DLG2: variants seen among roughly 807,000 people sequenced by gnomAD.
DLG2 encodes the protein disks large homolog 2.
Under a neutral mutation model 132.5 loss-of-function variants are expected in DLG2, and 45 were observed. The ratio of observed to expected loss-of-function variants is 0.34; its 90% CI spans 0.27 to 0.44. The LOEUF (loss-of-function observed/expected upper bound fraction) is 0.44, where lower values mean the gene tolerates loss of function less well. Among genes scored for constraint, DLG2 ranks in the 20% least tolerant of loss-of-function variants. The pLI is 1.00. For synonymous variants in DLG2, 424 were observed against 419.6 expected (o/e 1.01, Z -0.13); for missense variants, 1,045 against 1,196.9 (o/e 0.87, Z 1.87).
intron 6 of DLG2, among the ~76,000 whole-genome samples, chr11:85,031,593 C>T (rs2061005626): frequency 6.6e-6 from 1 of 152,080 alleles, no homozygotes; most frequent in South Asian, 2.1e-4. Flanking sequence ...TGTAGACCAT[C>T]TTTCCTTTTT....
At chr11:84,164,141 G>GT (rs1305649115) in intron 8 of DLG2, among the ~76,000 whole-genome samples, 5 of 152,134 alleles carry the variant, frequency 3.3e-5, no homozygotes, top group Non-Finnish European at 5.9e-5. Flanking sequence ...GTGACGAATT[G>GT]TTTCAACCAT....
chr11:84,831,363 C>T (rs2079036975), intron 6 of DLG2, among the ~76,000 whole-genome samples: 1 of 151,512 alleles, frequency 6.6e-6, no homozygotes, highest in African/African-American at 2.4e-5. Context: ...CAGTAAAAAA[C>T]AGAAATGTGT....
chr11:84,976,941 T>A (rs976515937), intron 6 of DLG2, among the ~76,000 whole-genome samples: 2 of 152,168 alleles, frequency 1.3e-5, no homozygotes, highest in African/African-American at 2.4e-5. Flanking sequence ...GGGTTTTCCA[T>A]CCAGTCTATA....
At chr11:85,355,839 C>T (rs1000520318) in intron 3 of DLG2, among the ~76,000 whole-genome samples, 1 of 152,098 alleles carries the variant, frequency 6.6e-6, no homozygotes. Flanking sequence ...ATCTCCAAGT[C>T]GAATCACCCT....
At chr11:83,851,910 C>T (rs1466928764) in intron 16 of DLG2, among the ~76,000 whole-genome samples, 2 of 148,974 alleles carry the variant, frequency 1.3e-5, no homozygotes, top group African/African-American at 2.5e-5. Flanking sequence ...CAGAGCGAGA[C>T]TCCGTCTCTT....
At chr11:85,335,381 T>C (rs1300483160) in intron 3 of DLG2, among the ~76,000 whole-genome samples, 2 of 152,202 alleles carry the variant, frequency 1.3e-5, no homozygotes, top group Admixed American at 6.5e-5. Context: ...TTTGCCACTC[T>C]TTGCCTTTTA....
intron 4 of DLG2, among the ~76,000 whole-genome samples, chr11:85,244,494 G>T (rs1461199655): frequency 5.3e-5 from 8 of 151,964 alleles, no homozygotes; most frequent in Admixed American, 5.3e-4. Context: ...ATGTGTCACT[G>T]CTTATAGCTG....
intron 10 of DLG2, among the ~76,000 whole-genome samples, chr11:84,093,709 G>A (rs1291356594): frequency 6.6e-6 from 1 of 152,060 alleles, no homozygotes; most frequent in Non-Finnish European, 1.5e-5. Flanking sequence ...CTGCCTCCCT[G>A]GTTCAAGCCA....
At chr11:85,041,036 T>C (rs1566715139) in intron 6 of DLG2, among the ~76,000 whole-genome samples, 1 of 151,882 alleles carries the variant, frequency 6.6e-6, no homozygotes, top group Non-Finnish European at 1.5e-5. Context: ...TTGGGGTCTT[T>C]AGGGAATAGG....
chr11:85,292,053 T>C (rs886155997), intron 3 of DLG2, among the ~76,000 whole-genome samples: 2 of 152,154 alleles, frequency 1.3e-5, no homozygotes, highest in African/African-American at 4.8e-5. Flanking sequence ...TACAAAATGA[T>C]ATTACAGTCT....
intron 6 of DLG2, among the ~76,000 whole-genome samples, chr11:84,855,892 C>T (rs902941879): frequency 5.3e-5 from 8 of 151,938 alleles, no homozygotes; most frequent in Non-Finnish European, 7.4e-5. Context: ...AGAAAAGAAA[C>T]GTGGAAATTT....
chr11:84,886,533 T>C (rs1459133399), intron 6 of DLG2, among the ~76,000 whole-genome samples: 5 of 152,132 alleles, frequency 3.3e-5, no homozygotes, highest in Admixed American at 2.0e-4. Context: ...CACTGTCAGG[T>C]TTGAGTGGAC....
intron 6 of DLG2, among the ~76,000 whole-genome samples, chr11:84,940,104 G>A (rs1486943600): frequency 6.6e-6 from 1 of 152,052 alleles, no homozygotes; most frequent in Non-Finnish European, 1.5e-5. Context: ...CCTAGTTTTT[G>A]GATAAAAGCC....
intron 18 of DLG2, among the ~76,000 whole-genome samples, chr11:83,750,482 T>A (rs891910306): frequency 1.3e-5 from 2 of 152,200 alleles, no homozygotes; most frequent in Non-Finnish European, 2.9e-5. Flanking sequence ...TTCAGTTACC[T>A]TTAGACTCTA....
intron 21 of DLG2, among the ~76,000 whole-genome samples, chr11:83,520,695 G>GATAGATAGAT: frequency 6.7e-6 from 1 of 149,152 alleles, no homozygotes; most frequent in African/African-American, 2.5e-5. Flanking sequence ...AAGTAGGTAG[G>GATAGATAGAT]TAGATAGATA....
chr11:83,588,671 T>C (rs1340860044), intron 19 of DLG2, among the ~76,000 whole-genome samples: 1 of 151,372 alleles, frequency 6.6e-6, no homozygotes, highest in Non-Finnish European at 1.5e-5. Flanking sequence ...AGAAGAAGGC[T>C]TCAGACGATC....
At chr11:84,795,689 G>A (rs921098415) in intron 6 of DLG2, among the ~76,000 whole-genome samples, 1 of 152,156 alleles carries the variant, frequency 6.6e-6, no homozygotes, top group African/African-American at 2.4e-5. Flanking sequence ...ATGAGAAGAA[G>A]AGAAGAGAGA....
At chr11:84,678,583 T>A (rs953352736) in intron 6 of DLG2, among the ~76,000 whole-genome samples, 2 of 152,098 alleles carry the variant, frequency 1.3e-5, no homozygotes, top group African/African-American at 4.8e-5. Flanking sequence ...CAATCTCACA[T>A]AACTATATGA....
rs546459086 is a variant in DLG2 at position 84,946,050 on chromosome 11, AG to A, written c.357+165610del. 4.9e-3 allele frequency among the ~76,000 whole-genome samples: 742 copies of A among 152,172 alleles called. 2 individuals are homozygous for A. Among genetic ancestry groups the A allele is most frequent in the Non-Finnish European group, 8.6e-3 (582 of 68,012 alleles). ...ACTTCCAATGTTCACTCAAGGCCGG[AG>A]GGCTCTTCGGTCAGCTTGTGGTGAA... On this transcript the variant is annotated intron_variant, in intron 6 of 27. Transcript: ENST00000376104.
Sources: gnomAD v4.1 joint callset for allele counts (sites outside exome capture counted in the v4.1 genomes callset) on GRCh38, gnomAD v4.1.1 for gene constraint, MANE v1.5 for transcripts, NCBI Gene and HGNC (gene_info 2026-07-23, HGNC 2026-07-21) for gene names.